Variants in NEK4 observed in about 807,000 individuals in gnomAD.
NEK4 encodes the protein NIMA related kinase 4.
NEK4 carries 86 observed loss-of-function variants against 98.4 expected under a neutral mutation model. That is an observed-to-expected ratio of 0.87 (90% CI 0.73 to 1.05). The LOEUF (loss-of-function observed/expected upper bound fraction) is 1.05, where lower values mean the gene tolerates loss of function less well. Among genes scored for constraint, NEK4 ranks in the 50% least tolerant of loss-of-function variants. NEK4 has a pLI of 0.00. For synonymous variants in NEK4, 328 were observed against 342.2 expected, an observed-to-expected ratio of 0.96 and a Z score of 0.46; for missense variants, 898 against 950.3, an observed-to-expected ratio of 0.94 and a Z score of 0.72.
intron 11 of NEK4, among the ~76,000 whole-genome samples, chr3:52,743,875 C>A (rs937889599): frequency 6.6e-6 from 1 of 152,186 alleles, no homozygotes; most frequent in African/African-American, 2.4e-5. Context: ...CAGCACCACT[C>A]CCCAAGCAAC....
In NEK4 at chr3:52,709,403, A is replaced by G. The variant is rs1480927306; in HGVS notation, c.*2374T>C. 6.6e-6 allele frequency: 1 copy of G among 152,082 alleles called. No individual in the cohort carries two copies. Among genetic ancestry groups the G allele is most frequent in the Non-Finnish European group, 1.5e-5 (1 of 68,000 alleles). 9.4% of individuals were successfully genotyped at this position (152,082 alleles called of 1,614,324 possible). A position where few individuals can be genotyped will look rare whatever the true frequency, so the allele number is the denominator to read the frequency against. ...CAAAATAAAAATATACAGTATGGTA[A>G]TTAATAAGAAAGTATGGGGGAAGTC... On this transcript the variant is annotated 3_prime_UTR_variant, in exon 16 of 16. Coordinates refer to ENST00000233027, the MANE Select transcript of NEK4 (RefSeq NM_003157.6).
intron 15 of NEK4, among the ~76,000 whole-genome samples, chr3:52,729,883 G>C (rs1238708642): frequency 6.6e-6 from 1 of 152,106 alleles, no homozygotes; most frequent in East Asian, 1.9e-4. Context: ...AGCCGAGGTA[G>C]GTGGATCACG....
intron 4 of NEK4, among the ~76,000 whole-genome samples, chr3:52,764,650 G>A (rs1328696497): frequency 6.6e-6 from 1 of 151,882 alleles, no homozygotes; most frequent in East Asian, 1.9e-4. Flanking sequence ...AAAACTTGCA[G>A]GTACCGACTT....
chr3:52,723,929 T>C (rs1428552013), intron 15 of NEK4, among the ~76,000 whole-genome samples: 2 of 152,190 alleles, frequency 1.3e-5, no homozygotes, highest in Non-Finnish European at 1.5e-5. Flanking sequence ...AAATACATTA[T>C]AATCAAACTG....
intron 15 of NEK4, among the ~76,000 whole-genome samples, chr3:52,735,849 T>C (rs925922246): frequency 2.0e-5 from 3 of 152,238 alleles, no homozygotes; most frequent in Non-Finnish European, 2.9e-5. Flanking sequence ...GAGTTGTTTG[T>C]TTCTGATCAA....
At chr3:52,712,169 TAAAAC>T (rs958758539) in intron 15 of NEK4, among the ~76,000 whole-genome samples, 5 of 152,282 alleles carry the variant, frequency 3.3e-5, no homozygotes, top group African/African-American at 7.2e-5. Flanking sequence ...TTAGAATAGG[TAAAAC>T]AAAATCAATT....
In NEK4 at chr3:52,770,784, GC is replaced by G; in HGVS notation, c.-39del. On this transcript the variant is annotated 5_prime_UTR_variant, in exon 1 of 16. Transcript: ENST00000233027. ...GGCCCAGAGTCGGGATGCGGCGGCA[GC>G]GGCGGGTAGGGCAGCGGGCGGCAAC... The G allele has an allele frequency of 6.6e-6, 10 of 1,526,480 alleles. No individual in the cohort carries two copies. The highest frequency in any genetic ancestry group is 8.8e-6 in the Non-Finnish European group (10 of 1,130,016). The allele number at this position is 1,526,480 out of a possible 1,614,324, so 94.6% of individuals were successfully genotyped here. A position where few individuals can be genotyped will look rare whatever the true frequency, so the allele number is the denominator to read the frequency against.
chr3:52,729,039 C>G (rs774073438), intron 15 of NEK4, among the ~76,000 whole-genome samples: 1 of 152,072 alleles, frequency 6.6e-6, no homozygotes, highest in Non-Finnish European at 1.5e-5. Context: ...GAACATAGAC[C>G]CTTATCAGTA....
intron 15 of NEK4, among the ~76,000 whole-genome samples, chr3:52,732,364 T>G (rs2097370660): frequency 1.3e-5 from 2 of 152,140 alleles, no homozygotes; most frequent in South Asian, 4.1e-4. Context: ...CGGCTAATTT[T>G]TTTGTATTTT....
chr3:52,748,092 T>A (rs923615173), intron 8 of NEK4, among the ~76,000 whole-genome samples: 3 of 151,510 alleles, frequency 2.0e-5, no homozygotes, highest in Admixed American at 1.3e-4. Context: ...CCCGAGTAGC[T>A]GGGACTACAG....
intron 15 of NEK4, among the ~76,000 whole-genome samples, chr3:52,723,122 T>C (rs1451727442): frequency 1.3e-5 from 2 of 151,972 alleles, no homozygotes. Context: ...GGAGGATCAC[T>C]TGTGCCCAGG....
intron 1 of NEK4, 105 bp from the exon 2 acceptor site, chr3:52,768,709 G>C (rs551456952): frequency 7.4e-6 from 7 of 947,904 alleles, no homozygotes; most frequent in Middle Eastern, 6.0e-4. Flanking sequence ...CAACCTTGTG[G>C]AGCCTGTCAG....
intron 12 of NEK4, 162 bp downstream of exon 12, chr3:52,743,190 T>C: frequency 1.6e-6 from 1 of 623,688 alleles, no homozygotes; most frequent in Non-Finnish European, 2.9e-6. Flanking sequence ...ATCATAATCC[T>C]TTTGACTATT....
intron 1 of NEK4, 59 bp downstream of exon 1, chr3:52,770,595 G>A: frequency 7.4e-7 from 1 of 1,347,026 alleles, no homozygotes; most frequent in Non-Finnish European, 1.0e-6. Context: ...TCTACCGGTC[G>A]GCGCCCTCGG....
chr3:52,709,797 T>C lies in NEK4; in HGVS notation c.*1980A>G, dbSNP rs144705449. The C allele has an allele frequency of 3.3e-5, 5 of 150,854 alleles. No homozygotes were observed. The East Asian group carries it at 9.8e-4, about 30-fold the overall frequency. The allele number at this position is 150,854 out of a possible 1,614,324, so 9.3% of individuals were successfully genotyped here. A position where few individuals can be genotyped will look rare whatever the true frequency, so the allele number is the denominator to read the frequency against. On this transcript the variant is annotated 3_prime_UTR_variant, in exon 16 of 16. Coordinates refer to ENST00000233027, the MANE Select transcript of NEK4 (RefSeq NM_003157.6). ...ATACATTAGAAAAATTAAGTAAAAC[T>C]GATGACTCTCCAGAACGATGTGGAT...
intron 5 of NEK4, among the ~76,000 whole-genome samples, chr3:52,761,698 T>C (rs1698364769): frequency 6.6e-6 from 1 of 152,198 alleles, no homozygotes; most frequent in Admixed American, 6.5e-5. Flanking sequence ...AACTCTCCAC[T>C]CTATCTTTCC....
At chr3:52,747,388 G>T (rs2097397980) in intron 8 of NEK4, 1 of 157,278 alleles carries the variant, frequency 6.4e-6, no homozygotes, top group Non-Finnish European at 1.4e-5. Flanking sequence ...CCGGGAGGGG[G>T]AGGCTGCAGT....
intron 15 of NEK4, among the ~76,000 whole-genome samples, chr3:52,714,587 C>T (rs928581842): frequency 8.5e-5 from 13 of 152,216 alleles, no homozygotes; most frequent in African/African-American, 2.9e-4. Flanking sequence ...AGACAGTCCC[C>T]AGAGCCCGCC....
chr3:52,739,496 G>A lies in NEK4; in HGVS notation c.2232C>T (p.Asp744=). Reference sequence around the variant, plus strand: ...CAACCTTCCCATGAAGTATCAGTGTGTCCCGATATTTCCGATGAAGTTTGA... The same window carrying A: ...CAACCTTCCCATGAAGTATCAGTGTATCCCGATATTTCCGATGAAGTTTGA... ...SEFKLHRKYR[D]TLILHGKVAE... is the part of the protein sequence containing the mutation. Residue 744 remains aspartate (D), a synonymous_variant, in exon 14 of 16, where the codon GAC becomes GAT. Coordinates refer to ENST00000233027, the MANE Select transcript of NEK4 (RefSeq NM_003157.6). The A allele has an allele frequency of 1.9e-6, 3 of 1,614,110 alleles. No individual in the cohort carries two copies. Among genetic ancestry groups the A allele is most frequent in the Non-Finnish European group, 2.5e-6 (3 of 1,179,960 alleles).
Sources: allele counts gnomAD v4.1 joint callset (sites outside exome capture counted in the v4.1 genomes callset), GRCh38; gene constraint gnomAD v4.1.1; transcripts MANE v1.5; gene names NCBI Gene and HGNC (gene_info 2026-07-23, HGNC 2026-07-21).